The following GRK5 variants were observed in gnomAD, a reference collection of about 807,000 sequenced individuals.
GRK5 encodes the protein G protein-coupled receptor kinase 5.
In GRK5, 40 loss-of-function variants were observed where a neutral mutation model predicts 78.4. That is an observed-to-expected ratio of 0.51 (90% CI 0.40 to 0.66). GRK5 has a LOEUF of 0.66. Ranked by LOEUF, GRK5 falls within the 30% of genes least tolerant of loss-of-function variation. GRK5 has a pLI of 0.00. For synonymous variants in GRK5, 289 were observed against 296.8 expected (o/e 0.97, Z 0.27); for missense variants, 598 against 759.9 (o/e 0.79, Z 2.50).
Position 119,230,108 on chromosome 10 carries a change from G to A in GRK5, c.52+22139G>A, listed in dbSNP as rs190911471. On this transcript the variant is annotated intron_variant, in intron 1 of 15. Transcript: ENST00000392870. ...AGCCTGGAGTAGTTGTGGGGGAGCA[G>A]GGAGCAGGAAGGCTGCAGAAGAATA... Among the ~76,000 whole-genome samples, 223 of 152,250 alleles carry A rather than the reference G, an allele frequency of 1.5e-3. 2 individuals carry two copies. Among genetic ancestry groups the A allele is most frequent in the African/African-American group, 5.1e-3 (213 of 41,538 alleles).
chr10:119,449,317 C>A (rs1853225253), intron 13 of GRK5, among the ~76,000 whole-genome samples: 1 of 152,210 alleles, frequency 6.6e-6, no homozygotes, highest in Admixed American at 6.5e-5. Context: ...TGGGGACCGT[C>A]CTTGGAACTC....
At chr10:119,376,581 T>TTGG (rs1851624549) in intron 2 of GRK5, among the ~76,000 whole-genome samples, 1 of 105,244 alleles carries the variant, frequency 9.5e-6, no homozygotes, top group African/African-American at 3.4e-5. Context: ...TTTTTTTTTT[T>TTGG]GAGACACAGT....
chr10:119,210,598 T>C (rs1460115308), intron 1 of GRK5, among the ~76,000 whole-genome samples: 3 of 152,214 alleles, frequency 2.0e-5, no homozygotes, highest in Non-Finnish European at 4.4e-5. Context: ...TATAAAACAG[T>C]ATATTAAAAA....
chr10:119,315,427 G>A (rs956676549), intron 1 of GRK5, among the ~76,000 whole-genome samples: 20 of 152,328 alleles, frequency 1.3e-4, no homozygotes, highest in African/African-American at 4.8e-4. Flanking sequence ...CCTCTCTGGG[G>A]GTGGCAAAGG....
At chr10:119,403,445 G>A (rs1344555521) in intron 4 of GRK5, among the ~76,000 whole-genome samples, 2 of 152,192 alleles carry the variant, frequency 1.3e-5, no homozygotes, top group African/African-American at 2.4e-5. Flanking sequence ...GATTACAGAC[G>A]TGAGCCACCG....
At chr10:119,365,977 C>G (rs1036401870) in intron 2 of GRK5, among the ~76,000 whole-genome samples, 1 of 152,198 alleles carries the variant, frequency 6.6e-6, no homozygotes, top group African/African-American at 2.4e-5. Context: ...TATTGCACCC[C>G]GGCTCTGTGC....
At chr10:119,350,176 A>G (rs769807027) in intron 2 of GRK5, among the ~76,000 whole-genome samples, 28 of 152,316 alleles carry the variant, frequency 1.8e-4, no homozygotes, top group Non-Finnish European at 3.1e-4. Context: ...GCCGGCTGCC[A>G]TCTCTGATGG....
chr10:119,442,447 A>G (rs1349847288), intron 11 of GRK5, among the ~76,000 whole-genome samples: 1 of 152,210 alleles, frequency 6.6e-6, no homozygotes, highest in African/African-American at 2.4e-5. Flanking sequence ...GAGGTAATTC[A>G]CAAGAGCCCG....
At chr10:119,274,914 C>G (rs899321978) in intron 1 of GRK5, among the ~76,000 whole-genome samples, 4 of 152,294 alleles carry the variant, frequency 2.6e-5, no homozygotes, top group Middle Eastern at 3.4e-3. Flanking sequence ...AACAAAGACC[C>G]TTTTAGTTTA....
At chr10:119,302,692 C>A (rs971175595) in intron 1 of GRK5, among the ~76,000 whole-genome samples, 29 of 152,206 alleles carry the variant, frequency 1.9e-4, no homozygotes. Flanking sequence ...AATGTAAATA[C>A]TTCTTGGGGC....
At chr10:119,284,799 A>G (rs1452043286) in intron 1 of GRK5, among the ~76,000 whole-genome samples, 1 of 152,216 alleles carries the variant, frequency 6.6e-6, no homozygotes, top group Non-Finnish European at 1.5e-5. Flanking sequence ...GTCTCTCCCA[A>G]GTGTGAGTGC....
intron 2 of GRK5, among the ~76,000 whole-genome samples, chr10:119,376,131 A>G (rs1357881591): frequency 6.6e-6 from 1 of 152,176 alleles, no homozygotes; most frequent in Non-Finnish European, 1.5e-5. Flanking sequence ...TCCTGTGTGC[A>G]TAAGTAGGCC....
chr10:119,317,746 C>G (rs1850517084), intron 1 of GRK5, among the ~76,000 whole-genome samples: 1 of 151,978 alleles, frequency 6.6e-6, no homozygotes, highest in African/African-American at 2.4e-5. Context: ...GTCAACTTTT[C>G]CAAGCGTGTG....
At chr10:119,315,562 A>T (rs1205182486) in intron 1 of GRK5, among the ~76,000 whole-genome samples, 2 of 152,192 alleles carry the variant, frequency 1.3e-5, no homozygotes, top group Admixed American at 1.3e-4. Flanking sequence ...CCCAGGCCAG[A>T]TCTGACTCTG....
chr10:119,324,838 T>G (rs1850646673), intron 1 of GRK5, among the ~76,000 whole-genome samples: 1 of 152,220 alleles, frequency 6.6e-6, no homozygotes, highest in Non-Finnish European at 1.5e-5. Flanking sequence ...AAAGAGTCAT[T>G]CTGAGGATTA....
intron 1 of GRK5, among the ~76,000 whole-genome samples, chr10:119,234,608 C>CT (rs1848887943): frequency 1.3e-5 from 2 of 152,042 alleles, no homozygotes; most frequent in South Asian, 4.2e-4. Context: ...TTTTTCTTTT[C>CT]TTTTCTCCTT....
At chr10:119,287,163 A>AC (rs1849861619) in intron 1 of GRK5, among the ~76,000 whole-genome samples, 1 of 139,338 alleles carries the variant, frequency 7.2e-6, no homozygotes, top group African/African-American at 2.7e-5. Flanking sequence ...GGAAGGAGAG[A>AC]AGAAGGGAGG....
chr10:119,423,064 C>A, intron 4 of GRK5, 102 bp from the exon 5 acceptor site: 1 of 760,358 alleles, frequency 1.3e-6, no homozygotes, highest in Non-Finnish European at 2.4e-6. Context: ...GATGTACCAG[C>A]ACCTGGAGCG....
chr10:119,414,376 C>CGTGT (rs368798484), intron 4 of GRK5, among the ~76,000 whole-genome samples: 4 of 151,830 alleles, frequency 2.6e-5, no homozygotes, highest in African/African-American at 7.3e-5. Context: ...TGGACGTTAG[C>CGTGT]GTGTGTGTGT....
Sources: allele counts gnomAD v4.1 joint callset (sites outside exome capture counted in the v4.1 genomes callset), GRCh38; gene constraint gnomAD v4.1.1; transcripts MANE v1.5; gene names NCBI Gene and HGNC (gene_info 2026-07-23, HGNC 2026-07-21).